The following SLC12A7 variants were observed in gnomAD, a reference collection of about 807,000 sequenced individuals.
The protein encoded by SLC12A7 is K-Cl cotransporter 4.
A neutral mutation model predicts 120.6 loss-of-function variants in SLC12A7; 100 were observed. The ratio of observed to expected loss-of-function variants is 0.83; its 90% CI spans 0.71 to 0.98. The LOEUF is 0.98. Ranked by LOEUF, SLC12A7 falls within the 50% of genes least tolerant of loss-of-function variation. The pLI is 0.00. For missense variants in SLC12A7, 1,373 were observed against 1,548.1 expected (o/e 0.89, Z 1.90); for synonymous variants, 760 against 678.0 (o/e 1.12, Z -1.88).
chr5:1,056,688 C>T (rs1735650471), intron 22 of SLC12A7: 1 of 572,614 alleles, frequency 1.7e-6, no homozygotes. Flanking sequence ...GAGGACGCCG[C>T]CTCATCCCAC....
At chr5:1,084,105 G>C in intron 7 of SLC12A7, 149 bp from the exon 8 acceptor site, 3 of 675,732 alleles carry the variant, frequency 4.4e-6, no homozygotes, top group East Asian at 2.7e-5. Flanking sequence ...CACAGATCAC[G>C]CCAGGGACCG....
the SLC12A7 span, among the ~76,000 whole-genome samples, chr5:1,137,256 C>A: frequency 2.0e-5 from 3 of 152,154 alleles, no homozygotes; most frequent in Non-Finnish European, 4.4e-5. Flanking sequence ...CGAGGCCAGG[C>A]ACGATCCGGA....
chr5:1,083,977 C>A, intron 7 of SLC12A7, 21 bp from the exon 8 acceptor site: 3 of 1,594,144 alleles, frequency 1.9e-6, no homozygotes, highest in Non-Finnish European at 2.5e-6. Context: ...CAGGGAGGCA[C>A]GGCACGTGTG....
At position 1,057,609 on chromosome 5, in the gene SLC12A7, G is replaced by A. The variant is rs527768647; in HGVS notation, c.2888C>T (p.Ala963Val). ...IHDRNTASHT[A>V]AAARTQAPPT... is the part of the protein sequence containing the mutation. ...CGGCGCTTGGGTCCTGGCTGCCGCC[G>A]CGGTGTGGGACGCGGTGTTCCTGTC... Residue 963 changes from alanine to valine, a missense_variant, in exon 22 of 24, where the codon GCG becomes GTG. Physicochemically the swap from Ala to Val is moderately conservative, Grantham distance 64. Coordinates refer to ENST00000264930, the MANE Select transcript of SLC12A7 (RefSeq NM_006598.3). 1.6e-5 allele frequency: 25 copies of A among 1,607,028 alleles called. No individual in the cohort carries two copies. In the Admixed American group the frequency reaches 3.3e-4, roughly 21 times the overall value.
Position 1,063,894 on chromosome 5 carries a change from T to C in SLC12A7, c.2689A>G (p.Met897Val), listed in dbSNP as rs770854374. Residue 897 changes from methionine (M) to valine (V), a missense_variant, in exon 20 of 24, where the codon ATG (methionine) becomes GTG (valine). Physicochemically the swap from Met to Val is conservative, Grantham distance 21 (BLOSUM62 1). Coordinates refer to ENST00000264930, the MANE Select transcript of SLC12A7 (RefSeq NM_006598.3). ...CTGATGCGCAAGTGGTACAAGAACA[T>C]CTGCAGGTCCTTCTTCATCTGGATG... ...NSIQMKKDLQ[M>V]FLYHLRISAE... 3.2e-6 allele frequency: 5 copies of C among 1,548,672 alleles called. No individual in the cohort carries two copies. The highest frequency in any genetic ancestry group is 3.5e-6 in the Non-Finnish European group (4 of 1,140,216).
Position 1,111,973 on chromosome 5 carries a change from C to G in SLC12A7, c.19G>C (p.Val7Leu). MPTNFTVVPVEAHADGG... is the reference protein window; with the variant it reads MPTNFTLVPVEAHADGG... ...TCGGCGTGAGCCTCCACGGGCACCA[C>G]GGTGAAGTTGGTGGGCATGGCCGCC... The change falls in exon 1 of 24, where the codon GTG (valine) becomes CTG (leucine). Residue 7 changes from valine (V) to leucine (L), a missense_variant. By Grantham distance (32) the Val-to-Leu change is conservative. Transcript: ENST00000264930. 1 of 1,290,352 alleles carries G rather than the reference C, an allele frequency of 7.7e-7. No homozygotes were observed. The highest frequency in any genetic ancestry group is 9.8e-7 in the Non-Finnish European group (1 of 1,018,970). The allele number at this position is 1,290,352 out of a possible 1,614,324, so 79.9% of individuals were successfully genotyped here. A position where few individuals can be genotyped will look rare whatever the true frequency, so the allele number is the denominator to read the frequency against.
chr5:1,096,860 GGGATGAAGGGA>G (rs1741296503), intron 1 of SLC12A7, among the ~76,000 whole-genome samples: 4 of 111,604 alleles, frequency 3.6e-5, no homozygotes, highest in African/African-American at 1.4e-4. Context: ...GAGGGAGGGA[GGGATGAAGGGA>G]GGGAGGGAGG....
the SLC12A7 span, among the ~76,000 whole-genome samples, chr5:1,118,643 G>A: frequency 3.9e-5 from 6 of 152,346 alleles, 1 homozygote; most frequent in African/African-American, 1.4e-4. Context: ...CAGGAAATTC[G>A]AATGAGTCCA....
intron 1 of SLC12A7, among the ~76,000 whole-genome samples, chr5:1,096,184 C>T (rs1222754854): frequency 6.6e-6 from 1 of 152,196 alleles, no homozygotes. Context: ...TTAGGAAATA[C>T]GCCTGTGAGA....
chr5:1,107,406 G>A (rs761769596), intron 1 of SLC12A7, among the ~76,000 whole-genome samples: 19 of 152,296 alleles, frequency 1.2e-4, no homozygotes, highest in East Asian at 5.8e-4. Flanking sequence ...GTGGCCCCAC[G>A]TCCAAAGGGC....
the SLC12A7 span, among the ~76,000 whole-genome samples, chr5:1,123,398 C>T: frequency 1.3e-5 from 2 of 152,198 alleles, no homozygotes; most frequent in Non-Finnish European, 2.9e-5. Flanking sequence ...GCAAGCACAG[C>T]CCTGCCAGGT....
the SLC12A7 span, among the ~76,000 whole-genome samples, chr5:1,119,919 G>C: frequency 6.6e-6 from 1 of 152,248 alleles, no homozygotes; most frequent in Non-Finnish European, 1.5e-5. Context: ...CAAAAATCCA[G>C]TCTGAGCTGG....
At chr5:1,105,546 C>T (rs1288500621) in intron 1 of SLC12A7, among the ~76,000 whole-genome samples, 2 of 152,242 alleles carry the variant, frequency 1.3e-5, no homozygotes, top group East Asian at 3.8e-4. Context: ...AGAGGCAGGG[C>T]CTGGACAGCA....
At chr5:1,143,118 CTCCATCCG>C in the SLC12A7 span, among the ~76,000 whole-genome samples, 2 of 152,336 alleles carry the variant, frequency 1.3e-5, no homozygotes, top group South Asian at 4.1e-4. Flanking sequence ...CAACATGCCC[CTCCATCCG>C]CAGGGTCAGA....
At chr5:1,060,887 C>T (rs924513653) in intron 20 of SLC12A7, among the ~76,000 whole-genome samples, 4 of 141,768 alleles carry the variant, frequency 2.8e-5, no homozygotes, top group Admixed American at 2.7e-4. Context: ...CCTCAGCGCC[C>T]GCCATGCAGG....
chr5:1,062,405 C>T (rs1477052546), intron 20 of SLC12A7, among the ~76,000 whole-genome samples: 9 of 152,230 alleles, frequency 5.9e-5, no homozygotes, highest in South Asian at 4.1e-4. Context: ...CTCCAGCCAT[C>T]GTCCCCGAAG....
chr5:1,140,153 T>C, the SLC12A7 span, among the ~76,000 whole-genome samples: 1 of 152,162 alleles, frequency 6.6e-6, no homozygotes, highest in East Asian at 1.9e-4. Flanking sequence ...CCAGAAACGC[T>C]GTTTCCCATC....
intron 22 of SLC12A7, among the ~76,000 whole-genome samples, chr5:1,054,864 AG>A (rs747319669): frequency 9.2e-5 from 14 of 152,254 alleles, no homozygotes; most frequent in Non-Finnish European, 1.9e-4. Flanking sequence ...TCCACAGCAC[AG>A]TCAAGGGGCT....
At chr5:1,080,893 C>T (rs1204854145) in intron 9 of SLC12A7, among the ~76,000 whole-genome samples, 1 of 152,212 alleles carries the variant, frequency 6.6e-6, no homozygotes, top group Non-Finnish European at 1.5e-5. Context: ...AGACAGGCTT[C>T]TCACAAATCC....
Sources: gnomAD v4.1 joint callset for allele counts (sites outside exome capture counted in the v4.1 genomes callset) on GRCh38, gnomAD v4.1.1 for gene constraint, MANE v1.5 for transcripts, NCBI Gene and HGNC (gene_info 2026-07-23, HGNC 2026-07-21) for gene names.